The following NFATC2 variants were observed in gnomAD, a reference collection of about 807,000 sequenced individuals.
NFATC2 encodes the protein nuclear factor of activated T cells 2.
NFATC2 carries 22 observed loss-of-function variants against 87.3 expected under a neutral mutation model. That is an observed-to-expected ratio of 0.25 (90% CI 0.18 to 0.36). The LOEUF (loss-of-function observed/expected upper bound fraction) is 0.36, where lower values mean the gene tolerates loss of function less well. Ranked by LOEUF, NFATC2 falls within the 10% of genes least tolerant of loss-of-function variation. NFATC2 has a pLI of 1.00. For missense variants in NFATC2, 1,149 were observed against 1,259.1 expected (o/e 0.91, Z 1.32); for synonymous variants, 565 against 542.2 (o/e 1.04, Z -0.58).
intron 3 of NFATC2, among the ~76,000 whole-genome samples, chr20:51,497,180 C>T (rs948286313): frequency 3.9e-5 from 6 of 152,198 alleles, no homozygotes; most frequent in African/African-American, 1.2e-4. Flanking sequence ...TTCTACCAAA[C>T]CAGGCACCCT....
chr20:51,442,760 C>A (rs948574897), intron 6 of NFATC2, among the ~76,000 whole-genome samples: 1 of 138,468 alleles, frequency 7.2e-6, no homozygotes, highest in African/African-American at 2.8e-5. Flanking sequence ...TGTTGACTTT[C>A]CTGTCTCTTG....
chr20:51,561,483 GAAAGCA>G (rs2077029749), intron 1 of NFATC2, among the ~76,000 whole-genome samples: 2 of 107,534 alleles, frequency 1.9e-5, no homozygotes, highest in African/African-American at 7.3e-5. Flanking sequence ...AAGAAAGAAA[GAAAGCA>G]AGCAAGCAAG....
At chr20:51,467,829 A>T (rs1987837713) in intron 5 of NFATC2, among the ~76,000 whole-genome samples, 1 of 152,238 alleles carries the variant, frequency 6.6e-6, no homozygotes, top group Non-Finnish European at 1.5e-5. Flanking sequence ...TACCCAAGAG[A>T]AATGAAAGCA....
At chr20:51,473,364 G>A (rs767609954) in intron 5 of NFATC2, among the ~76,000 whole-genome samples, 1 of 152,020 alleles carries the variant, frequency 6.6e-6, no homozygotes, top group Non-Finnish European at 1.5e-5. Flanking sequence ...GGGCATGGGT[G>A]GGGGACAGGG....
intron 9 of NFATC2, among the ~76,000 whole-genome samples, chr20:51,408,284 C>T (rs946313590): frequency 9.9e-5 from 15 of 152,146 alleles, no homozygotes; most frequent in African/African-American, 3.4e-4. Flanking sequence ...GAGGCTGAGG[C>T]GGGCAGATCA....
chr20:51,486,890 G>A (rs1335967228), intron 3 of NFATC2, among the ~76,000 whole-genome samples: 1 of 152,016 alleles, frequency 6.6e-6, no homozygotes, highest in Non-Finnish European at 1.5e-5. Flanking sequence ...TATTATACCA[G>A]GCCAATTACA....
intron 5 of NFATC2, among the ~76,000 whole-genome samples, chr20:51,458,906 C>A (rs1271964966): frequency 1.3e-5 from 2 of 152,162 alleles, no homozygotes; most frequent in Non-Finnish European, 2.9e-5. Flanking sequence ...GCCCTGGGAG[C>A]TGCAAGAGAA....
chr20:51,398,415 T>G (rs553675454), intron 10 of NFATC2, among the ~76,000 whole-genome samples: 1 of 152,206 alleles, frequency 6.6e-6, no homozygotes, highest in East Asian at 1.9e-4. Context: ...GCATGCAAGT[T>G]AATGGGGCCT....
intron 6 of NFATC2, among the ~76,000 whole-genome samples, chr20:51,436,341 T>C (rs921055342): frequency 6.6e-6 from 1 of 150,950 alleles, no homozygotes; most frequent in Non-Finnish European, 1.5e-5. Flanking sequence ...AAATAGAAAC[T>C]GTCCAGAATC....
chr20:51,548,941 G>T (rs1029745754), intron 1 of NFATC2, among the ~76,000 whole-genome samples: 20 of 152,298 alleles, frequency 1.3e-4, no homozygotes, highest in Admixed American at 1.3e-3. Flanking sequence ...TATTTGTAGA[G>T]AAATAACATG....
Position 51,398,666 on chromosome 20 carries a change from A to C in NFATC2, c.*21T>G, listed in dbSNP as rs1568926634. The C allele has an allele frequency of 6.2e-7, 1 of 1,611,194 alleles. No individual in the cohort carries two copies. The highest frequency in any genetic ancestry group is 1.3e-5 in the African/African-American group (1 of 74,962). On this transcript the variant is annotated 3_prime_UTR_variant, in exon 10 of 11. Coordinates refer to ENST00000371564, the MANE Select transcript of NFATC2 (RefSeq NM_012340.5). ...ACCTTTAACTTTGATTTCTCGGATCAAAGATCACAGTCATTCTGTTTCATA... is the reference window on the plus strand; with the variant it reads ...ACCTTTAACTTTGATTTCTCGGATCCAAGATCACAGTCATTCTGTTTCATA...
chr20:51,545,131 A>C (rs2076878572), upstream of NFATC2, among the ~76,000 whole-genome samples: 1 of 152,160 alleles, frequency 6.6e-6, no homozygotes, highest in Non-Finnish European at 1.5e-5. Context: ...AGATGATGAA[A>C]TTTTGGCCAA....
chr20:51,410,500 T>C (rs1018961974), intron 9 of NFATC2, among the ~76,000 whole-genome samples: 5 of 151,904 alleles, frequency 3.3e-5, no homozygotes, highest in Non-Finnish European at 7.4e-5. Flanking sequence ...TTTAAACATA[T>C]TTATATGCAT....
At chr20:51,486,860 G>A (rs1006330066) in intron 3 of NFATC2, among the ~76,000 whole-genome samples, 5 of 152,066 alleles carry the variant, frequency 3.3e-5, no homozygotes, top group African/African-American at 1.2e-4. Flanking sequence ...GCAGGAATGT[G>A]TCTCACCATG....
At chr20:51,436,828 G>A (rs764259655) in intron 6 of NFATC2, among the ~76,000 whole-genome samples, 111 of 152,156 alleles carry the variant, frequency 7.3e-4, no homozygotes, top group Non-Finnish European at 1.5e-3. Flanking sequence ...TTAGAGAAGC[G>A]CCATGACAGG....
chr20:51,529,361 T>G (rs1467467100), intron 1 of NFATC2, among the ~76,000 whole-genome samples: 1 of 151,134 alleles, frequency 6.6e-6, no homozygotes, highest in Non-Finnish European at 1.5e-5. Flanking sequence ...AGCGGCAGTT[T>G]TTTTTTTTTC....
chr20:51,525,613 G>A (rs1389975289), intron 1 of NFATC2, among the ~76,000 whole-genome samples: 1 of 150,952 alleles, frequency 6.6e-6, no homozygotes, highest in East Asian at 2.0e-4. Flanking sequence ...GGGCGGCCTG[G>A]ACTCCTTACT....
At chr20:51,512,014 T>A (rs1372127511) in intron 3 of NFATC2, among the ~76,000 whole-genome samples, 2 of 152,160 alleles carry the variant, frequency 1.3e-5, no homozygotes, top group African/African-American at 2.4e-5. Context: ...CCACACACAG[T>A]CCTTCCCTGC....
At chr20:51,517,560 C>T (rs1249890549) in intron 2 of NFATC2, among the ~76,000 whole-genome samples, 1 of 151,564 alleles carries the variant, frequency 6.6e-6, no homozygotes, top group Non-Finnish European at 1.5e-5. Flanking sequence ...CCACTGCACT[C>T]CAGACTGAGG....
Sources: allele counts gnomAD v4.1 joint callset (sites outside exome capture counted in the v4.1 genomes callset), GRCh38; gene constraint gnomAD v4.1.1; transcripts MANE v1.5; gene names NCBI Gene and HGNC (gene_info 2026-07-23, HGNC 2026-07-21).